The following ZNF804A variants were observed in gnomAD, a reference collection of about 807,000 sequenced individuals.
ZNF804A encodes zinc finger protein 804A.
A neutral mutation model predicts 16.5 loss-of-function variants in ZNF804A; 2 were observed. The observed-to-expected ratio is 0.12, with a 90% CI of 0.05 to 0.38. The LOEUF is 0.38. ZNF804A is among the 10% of genes least tolerant of loss of function. The pLI, the probability that ZNF804A is intolerant of heterozygous loss-of-function variation, is 0.99. For missense variants in ZNF804A, 1,473 were observed against 1,390.7 expected, an observed-to-expected ratio of 1.06 and a Z score of -0.94; for synonymous variants, 534 against 489.6, an observed-to-expected ratio of 1.09 and a Z score of -1.20.
intron 1 of ZNF804A, among the ~76,000 whole-genome samples, chr2:184,615,885 A>G (rs1263439545): frequency 1.3e-5 from 2 of 152,090 alleles, no homozygotes; most frequent in East Asian, 1.9e-4. Context: ...GTCACCACAC[A>G]CTAACATCAT....
rs192245998 is a variant in ZNF804A at position 184,790,115 on chromosome 2, C to T, written c.112-76254C>T. Among the ~76,000 whole-genome samples the T allele has an allele frequency of 4.5e-3, 682 of 151,890 alleles. 3 individuals carry two copies. The highest frequency in any genetic ancestry group is 6.8e-3 in the Middle Eastern group (2 of 294). Reference sequence around the variant, plus strand: ...GTTAAGAAGCAACATGTTTATTTTCCATGTACTTGTGTAGATTTGAGAGTT... The same window carrying T: ...GTTAAGAAGCAACATGTTTATTTTCTATGTACTTGTGTAGATTTGAGAGTT... On this transcript the variant is annotated intron_variant, in intron 1 of 3. Coordinates refer to ENST00000302277, the MANE Select transcript of ZNF804A (RefSeq NM_194250.2).
Position 184,637,870 on chromosome 2 carries a change from A to C in ZNF804A, c.111+38800A>C, listed in dbSNP as rs889842556. ...TTTTCTAATCCAGTCCTCACACACA[A>C]AAAATTGAGAAACTCCTGCTCCTTC... On this transcript the variant is annotated intron_variant, in intron 1 of 3. Transcript: ENST00000302277. Among the ~76,000 whole-genome samples the C allele has an allele frequency of 7.2e-5, 11 of 152,170 alleles. No homozygotes were observed. In the East Asian group the frequency reaches 2.1e-3, roughly 29 times the overall value.
At chr2:184,642,022 G>GCA (rs200608486) in intron 1 of ZNF804A, among the ~76,000 whole-genome samples, 56 of 151,398 alleles carry the variant, frequency 3.7e-4, no homozygotes, top group African/African-American at 1.2e-3. Context: ...TTCTCATCAA[G>GCA]CACACACACA....
intron 1 of ZNF804A, among the ~76,000 whole-genome samples, chr2:184,621,106 T>TA (rs1691410980): frequency 6.6e-6 from 1 of 151,684 alleles, no homozygotes; most frequent in East Asian, 1.9e-4. Context: ...AAAATGTATG[T>TA]ACGTATATAA....
intron 1 of ZNF804A, among the ~76,000 whole-genome samples, chr2:184,827,891 A>T (rs1695190771): frequency 6.6e-6 from 1 of 151,900 alleles, no homozygotes; most frequent in Non-Finnish European, 1.5e-5. Context: ...AAATATCTTT[A>T]AAAAATTTTT....
chr2:184,641,538 A>G (rs1189520736), intron 1 of ZNF804A, among the ~76,000 whole-genome samples: 4 of 152,208 alleles, frequency 2.6e-5, no homozygotes, highest in Non-Finnish European at 1.5e-5. Flanking sequence ...TAAAATGATT[A>G]CATTTTATCA....
chr2:184,811,398 C>T (rs1015276631), intron 1 of ZNF804A, among the ~76,000 whole-genome samples: 1 of 152,032 alleles, frequency 6.6e-6, no homozygotes, highest in Admixed American at 6.6e-5. Context: ...AACCTATTGT[C>T]AATTTTATCA....
chr2:184,744,824 T>A (rs1693763485), intron 1 of ZNF804A, among the ~76,000 whole-genome samples: 1 of 151,840 alleles, frequency 6.6e-6, no homozygotes, highest in South Asian at 2.1e-4. Flanking sequence ...CAAACAACTA[T>A]CCGTATAAAT....
At chr2:184,782,679 G>GTATATCCTATATATAGGATATA (rs1436791456) in intron 1 of ZNF804A, among the ~76,000 whole-genome samples, 9 of 147,036 alleles carry the variant, frequency 6.1e-5, no homozygotes, top group East Asian at 2.1e-4. Context: ...AATAGGATAT[G>GTATATCCTATATATAGGATATA]TATATCCTAT....
intron 2 of ZNF804A, among the ~76,000 whole-genome samples, chr2:184,886,483 A>C: frequency 6.6e-6 from 1 of 152,204 alleles, no homozygotes; most frequent in East Asian, 1.9e-4. Flanking sequence ...GCGGTGCCCC[A>C]GTAGGGACAC....
At chr2:184,932,469 G>C (rs1685717348) in intron 2 of ZNF804A, among the ~76,000 whole-genome samples, 1 of 152,088 alleles carries the variant, frequency 6.6e-6, no homozygotes, top group African/African-American at 2.4e-5. Context: ...AAAACCATCA[G>C]ATCTCATGAG....
chr2:184,708,481 A>G (rs1693069980), intron 1 of ZNF804A, among the ~76,000 whole-genome samples: 1 of 152,162 alleles, frequency 6.6e-6, no homozygotes, highest in Non-Finnish European at 1.5e-5. Flanking sequence ...TAGGGAGCCC[A>G]GAAATAAAGC....
chr2:184,782,696 G>T (rs932477098), intron 1 of ZNF804A, among the ~76,000 whole-genome samples: 22 of 142,728 alleles, frequency 1.5e-4, no homozygotes, highest in East Asian at 1.3e-3. Context: ...CTATATATAG[G>T]ATATATATAT....
chr2:184,820,406 G>A (rs774870870), intron 1 of ZNF804A, among the ~76,000 whole-genome samples: 23 of 152,114 alleles, frequency 1.5e-4, no homozygotes, highest in Non-Finnish European at 3.2e-4. Context: ...AGGTATTGAA[G>A]GAATATACCT....
chr2:184,629,498 G>T (rs1443005330), intron 1 of ZNF804A, among the ~76,000 whole-genome samples: 1 of 152,020 alleles, frequency 6.6e-6, no homozygotes, highest in Non-Finnish European at 1.5e-5. Context: ...CTAGATAGAT[G>T]ACCAAAATGA....
intron 1 of ZNF804A, among the ~76,000 whole-genome samples, chr2:184,683,187 A>T (rs1000922693): frequency 6.6e-6 from 1 of 152,164 alleles, no homozygotes; most frequent in African/African-American, 2.4e-5. Flanking sequence ...TGTGCTAGGT[A>T]TGTGTAATTC....
At chr2:184,741,186 G>T (rs989536097) in intron 1 of ZNF804A, among the ~76,000 whole-genome samples, 1 of 152,066 alleles carries the variant, frequency 6.6e-6, no homozygotes, top group Non-Finnish European at 1.5e-5. Flanking sequence ...ACTGAAAGCA[G>T]GTATACTGAC....
At chr2:184,662,311 G>A (rs768579093) in intron 1 of ZNF804A, among the ~76,000 whole-genome samples, 53 of 152,096 alleles carry the variant, frequency 3.5e-4, no homozygotes, top group Non-Finnish European at 5.6e-4. Context: ...TCAGGTTTAC[G>A]AATGATGTAA....
chr2:184,776,780 G>A (rs1694291026), intron 1 of ZNF804A, among the ~76,000 whole-genome samples: 1 of 151,448 alleles, frequency 6.6e-6, no homozygotes, highest in African/African-American at 2.4e-5. Context: ...TTGGACATTA[G>A]CCAGTTATCC....
Sources: allele counts gnomAD v4.1 joint callset (sites outside exome capture counted in the v4.1 genomes callset), GRCh38; gene constraint gnomAD v4.1.1; transcripts MANE v1.5; gene names NCBI Gene and HGNC (gene_info 2026-07-23, HGNC 2026-07-21).